CHN1: variants seen among roughly 807,000 people sequenced by gnomAD.
CHN1 encodes chimerin 1.
Under a neutral mutation model 59.5 loss-of-function variants are expected in CHN1, and 37 were observed. The observed-to-expected ratio is 0.62, with a 90% CI of 0.48 to 0.82. CHN1 has a LOEUF of 0.82. Among genes scored for constraint, CHN1 ranks in the 40% least tolerant of loss-of-function variants. The probability of loss-of-function intolerance (pLI) is 0.00; values close to 1 mark genes in which losing one functional copy is unlikely to be tolerated. For synonymous variants in CHN1, 206 were observed against 200.4 expected (o/e 1.03, Z -0.24); for missense variants, 469 against 571.0 (o/e 0.82, Z 1.82).
rs1459819721 is a variant in CHN1 at position 174,952,661 on chromosome 2, T to C, written c.20-459A>G. On this transcript the variant is annotated intron_variant, in intron 1 of 12. Coordinates refer to ENST00000409900, the MANE Select transcript of CHN1 (RefSeq NM_001822.7). ...CCCCGTTACATTTGGGGGATTCCAATGTACATGGTTTTACTAACATGAAGA... is the reference window on the plus strand; with the variant it reads ...CCCCGTTACATTTGGGGGATTCCAACGTACATGGTTTTACTAACATGAAGA... Among the ~76,000 whole-genome samples the C allele has an allele frequency of 5.3e-5, 8 of 152,342 alleles. No individual in the cohort carries two copies. In the South Asian group the frequency reaches 1.4e-3, roughly 28 times the overall value.
intron 1 of CHN1, among the ~76,000 whole-genome samples, chr2:174,965,069 T>C (rs1690551100): frequency 6.6e-6 from 1 of 152,126 alleles, no homozygotes; most frequent in Admixed American, 6.5e-5. Context: ...TTTGATATAA[T>C]TTATAACATT....
At chr2:174,806,562 T>C (rs1486329114) in intron 11 of CHN1, among the ~76,000 whole-genome samples, 1 of 152,170 alleles carries the variant, frequency 6.6e-6, no homozygotes, top group Non-Finnish European at 1.5e-5. Context: ...AGCCAGGCAG[T>C]GTGACAGAGT....
At chr2:174,923,579 T>C (rs570480040) in intron 3 of CHN1, among the ~76,000 whole-genome samples, 40 of 152,316 alleles carry the variant, frequency 2.6e-4, no homozygotes, top group Admixed American at 2.2e-3. Context: ...GTTGAAGGTA[T>C]ATGGCACTGA....
intron 5 of CHN1, among the ~76,000 whole-genome samples, chr2:174,886,878 G>A (rs1176031653): frequency 6.6e-6 from 1 of 152,144 alleles, no homozygotes; most frequent in Non-Finnish European, 1.5e-5. Context: ...AGAATAAACT[G>A]CTTCCATTGC....
chr2:174,893,482 C>T (rs1007791023), intron 5 of CHN1, among the ~76,000 whole-genome samples: 9 of 152,016 alleles, frequency 5.9e-5, no homozygotes, highest in Non-Finnish European at 1.0e-4. Flanking sequence ...CAAATAAATG[C>T]GAAGATACTC....
At chr2:174,955,180 A>T (rs1170306661) in intron 1 of CHN1, among the ~76,000 whole-genome samples, 1 of 9,310 alleles carries the variant, frequency 1.1e-4, no homozygotes, top group African/African-American at 2.3e-4. Flanking sequence ...CTATATATCT[A>T]TATCTATATA....
At chr2:174,841,257 A>G (rs1049827025) in intron 7 of CHN1, among the ~76,000 whole-genome samples, 2 of 152,180 alleles carry the variant, frequency 1.3e-5, no homozygotes, top group Non-Finnish European at 2.9e-5. Flanking sequence ...CCCAGCCAGC[A>G]TGACAAACCA....
At chr2:174,975,645 AC>A (rs1348013310) in intron 1 of CHN1, among the ~76,000 whole-genome samples, 1 of 147,978 alleles carries the variant, frequency 6.8e-6, no homozygotes, top group East Asian at 2.0e-4. Flanking sequence ...GGCAAAAAAA[AC>A]AAAACAAACA....
At chr2:174,905,854 A>C (rs1688528953) in intron 5 of CHN1, among the ~76,000 whole-genome samples, 1 of 152,170 alleles carries the variant, frequency 6.6e-6, no homozygotes, top group South Asian at 2.1e-4. Flanking sequence ...CACCGCGCCC[A>C]GCCAGATAAA....
intron 1 of CHN1, among the ~76,000 whole-genome samples, chr2:174,991,738 A>T (rs1352707745): frequency 6.6e-6 from 1 of 152,222 alleles, no homozygotes; most frequent in Non-Finnish European, 1.5e-5. Flanking sequence ...AAGTATTATA[A>T]AGCAATAGAA....
At chr2:174,918,175 A>T (rs925075840) in intron 4 of CHN1, among the ~76,000 whole-genome samples, 10 of 152,126 alleles carry the variant, frequency 6.6e-5, no homozygotes, top group African/African-American at 2.4e-4. Flanking sequence ...TATAGAATAA[A>T]TCACCCACAT....
intron 3 of CHN1, among the ~76,000 whole-genome samples, chr2:174,936,970 T>C (rs1270209979): frequency 6.6e-6 from 1 of 152,156 alleles, no homozygotes; most frequent in Non-Finnish European, 1.5e-5. Flanking sequence ...TAACCTTTAA[T>C]AAAAAAATCA....
At chr2:174,964,773 T>C (rs1391953563) in intron 1 of CHN1, among the ~76,000 whole-genome samples, 1 of 152,232 alleles carries the variant, frequency 6.6e-6, no homozygotes, top group East Asian at 1.9e-4. Context: ...CTTTCATTCT[T>C]GGTTAACTGC....
intron 1 of CHN1, among the ~76,000 whole-genome samples, chr2:174,963,446 A>G (rs2105429033): frequency 6.6e-6 from 1 of 152,330 alleles, no homozygotes; most frequent in African/African-American, 2.4e-5. Context: ...GGTTTTTAAA[A>G]TAAAGGGGCT....
At chr2:174,866,832 A>G (rs1395538559) in intron 6 of CHN1, among the ~76,000 whole-genome samples, 1 of 152,190 alleles carries the variant, frequency 6.6e-6, no homozygotes, top group East Asian at 1.9e-4. Flanking sequence ...TAGTTTTATA[A>G]TTTTAAAGAT....
intron 11 of CHN1, among the ~76,000 whole-genome samples, chr2:174,807,512 G>GTGTGTGTT (rs1684934676): frequency 1.5e-5 from 2 of 135,176 alleles, no homozygotes; most frequent in South Asian, 4.8e-4. Flanking sequence ...GTGTGTGTGT[G>GTGTGTGTT]TTGCTTTCTA....
intron 3 of CHN1, among the ~76,000 whole-genome samples, chr2:174,936,055 C>T (rs754036877): frequency 1.3e-5 from 2 of 152,204 alleles, no homozygotes; most frequent in Non-Finnish European, 2.9e-5. Flanking sequence ...ATTTTATCTA[C>T]ATTTCTCATT....
intron 1 of CHN1, among the ~76,000 whole-genome samples, chr2:174,976,995 T>C (rs771695335): frequency 3.3e-5 from 5 of 152,242 alleles, no homozygotes; most frequent in Non-Finnish European, 5.9e-5. Context: ...TCCTGTTGAA[T>C]GACTATGTGA....
At chr2:174,862,394 G>A (rs546061109) in intron 6 of CHN1, among the ~76,000 whole-genome samples, 8 of 151,154 alleles carry the variant, frequency 5.3e-5, no homozygotes, top group South Asian at 4.2e-4. Flanking sequence ...GTACAGTGGC[G>A]CAATCTTGGC....
Sources: allele counts gnomAD v4.1 joint callset (sites outside exome capture counted in the v4.1 genomes callset), GRCh38; gene constraint gnomAD v4.1.1; transcripts MANE v1.5; gene names NCBI Gene and HGNC (gene_info 2026-07-23, HGNC 2026-07-21).